The following ENAH variants were observed in gnomAD, a reference collection of about 807,000 sequenced individuals.
ENAH encodes the protein protein enabled homolog.
Under a neutral mutation model 78.7 loss-of-function variants are expected in ENAH, and 23 were observed. That is an observed-to-expected ratio of 0.29 (90% CI 0.21 to 0.41). The LOEUF (loss-of-function observed/expected upper bound fraction) is 0.41. Among genes scored for constraint, ENAH ranks in the 10% least tolerant of loss-of-function variants. ENAH has a pLI of 1.00. For synonymous variants in ENAH, 226 were observed against 241.0 expected (o/e 0.94, Z 0.58); for missense variants, 544 against 691.0 (o/e 0.79, Z 2.39).
At chr1:225,648,554 T>G (rs1662389902) in intron 1 of ENAH, among the ~76,000 whole-genome samples, 1 of 152,196 alleles carries the variant, frequency 6.6e-6, no homozygotes, top group Non-Finnish European at 1.5e-5. Context: ...TTTATTCACT[T>G]AGTAAATTCC....
At chr1:225,501,128 A>C (rs776533773) in intron 11 of ENAH, 58 bp from the exon 12 acceptor site, 2 of 1,330,426 alleles carry the variant, frequency 1.5e-6, no homozygotes, top group Non-Finnish European at 2.1e-6. Flanking sequence ...TAATGAGTTC[A>C]TAAATAATTG....
At chr1:225,623,566 C>A (rs1269448143) in intron 1 of ENAH, among the ~76,000 whole-genome samples, 1 of 148,674 alleles carries the variant, frequency 6.7e-6, no homozygotes, top group Non-Finnish European at 1.5e-5. Context: ...TAGTACCCGA[C>A]AAGTAGTGTT....
intron 1 of ENAH, among the ~76,000 whole-genome samples, chr1:225,645,156 C>T (rs1049077822): frequency 1.3e-5 from 2 of 152,170 alleles, no homozygotes; most frequent in East Asian, 3.9e-4. Flanking sequence ...TTAAATAGCA[C>T]GAAGATGTCA....
At chr1:225,539,621 C>T (rs1230486017) in intron 3 of ENAH, among the ~76,000 whole-genome samples, 1 of 152,164 alleles carries the variant, frequency 6.6e-6, no homozygotes, top group African/African-American at 2.4e-5. Context: ...CAATTGCTGC[C>T]CACTGCTCTT....
At chr1:225,639,705 AACACACACACACACACACACAC>A (rs374646635) in intron 1 of ENAH, among the ~76,000 whole-genome samples, 1 of 138,550 alleles carries the variant, frequency 7.2e-6, no homozygotes, top group South Asian at 2.3e-4. Context: ...GGCGGGATTA[AACACACACACACACACACACAC>A]ACACACACAC....
chr1:225,632,497 C>CAAAA (rs55973162), intron 1 of ENAH, among the ~76,000 whole-genome samples: 2 of 102,476 alleles, frequency 2.0e-5, no homozygotes, highest in African/African-American at 4.2e-5. Context: ...GACTCCGTCT[C>CAAAA]AAAAAAAAAA....
At position 225,495,212 on chromosome 1, in the gene ENAH, T is replaced by A. The variant is rs1365423829; in HGVS notation, c.*2563A>T. 2.0e-5 allele frequency: 3 copies of A among 152,542 alleles called. No homozygotes were observed. In the South Asian group the frequency reaches 6.2e-4, roughly 32 times the overall value. The allele number at this position is 152,542 out of a possible 1,614,324, so 9.4% of individuals were successfully genotyped here. On this transcript the variant is annotated 3_prime_UTR_variant, in exon 14 of 14. Transcript: ENST00000366843. ...TCATTAGAAAGGATCCCCTAAACTG[T>A]ACTCAGCTTAAGACATCCAACGTAC...
intron 1 of ENAH, among the ~76,000 whole-genome samples, chr1:225,628,447 T>C (rs1393070086): frequency 6.6e-6 from 1 of 152,142 alleles, no homozygotes; most frequent in Non-Finnish European, 1.5e-5. Flanking sequence ...TAAATAGCCA[T>C]TTTAAAGGAA....
chr1:225,648,448 T>C (rs1315178113), intron 1 of ENAH, among the ~76,000 whole-genome samples: 1 of 152,242 alleles, frequency 6.6e-6, no homozygotes, highest in Non-Finnish European at 1.5e-5. Context: ...CATAGTTATT[T>C]TGCTTAATCC....
At chr1:225,497,955 C>T (rs1283333912) in intron 13 of ENAH, 143 bp from the exon 14 acceptor site, 5 of 633,758 alleles carry the variant, frequency 7.9e-6, no homozygotes, top group Non-Finnish European at 1.1e-5. Context: ...TTGCACACAT[C>T]TTTAATATTA....
At chr1:225,610,179 T>C (rs1183167937) in intron 1 of ENAH, among the ~76,000 whole-genome samples, 2 of 151,866 alleles carry the variant, frequency 1.3e-5, no homozygotes, top group African/African-American at 4.8e-5. Flanking sequence ...AAAACTAGCA[T>C]TGCCTAAAAA....
intron 4 of ENAH, among the ~76,000 whole-genome samples, chr1:225,530,314 A>G (rs572408551): frequency 2.6e-5 from 4 of 152,348 alleles, no homozygotes; most frequent in African/African-American, 9.6e-5. Context: ...ACAATATTTT[A>G]AACATACCTT....
chr1:225,500,878 A>C (rs528995059), intron 12 of ENAH, 114 bp downstream of exon 12: 2 of 963,208 alleles, frequency 2.1e-6, no homozygotes, highest in South Asian at 3.3e-5. Context: ...TTGTATAACA[A>C]TAGCTCTATC....
At chr1:225,517,935 G>C in intron 5 of ENAH, 1 of 1,549,844 alleles carries the variant, frequency 6.5e-7, no homozygotes, top group Non-Finnish European at 8.7e-7. Context: ...AAGGAGGCTG[G>C]CAACTGGAAT....
intron 1 of ENAH, among the ~76,000 whole-genome samples, chr1:225,625,991 T>C (rs1391399380): frequency 1.3e-5 from 2 of 152,208 alleles, no homozygotes; most frequent in African/African-American, 4.8e-5. Context: ...AAGATGCAAG[T>C]TGGACTTTAC....
intron 2 of ENAH, among the ~76,000 whole-genome samples, chr1:225,561,790 A>C (rs2151473015): frequency 6.6e-6 from 1 of 152,222 alleles, no homozygotes; most frequent in South Asian, 2.1e-4. Flanking sequence ...GTGACGTTCC[A>C]TCTCACACAT....
intron 1 of ENAH, among the ~76,000 whole-genome samples, chr1:225,619,271 G>A (rs972821119): frequency 1.3e-5 from 2 of 152,098 alleles, no homozygotes; most frequent in Admixed American, 1.3e-4. Flanking sequence ...TGCCAATCAC[G>A]GTGGGTCACG....
chr1:225,629,076 G>A (rs1354990232), intron 1 of ENAH, among the ~76,000 whole-genome samples: 2 of 151,604 alleles, frequency 1.3e-5, no homozygotes, highest in Non-Finnish European at 1.5e-5. Context: ...TCAAGAGTTC[G>A]GGACCAGCCT....
chr1:225,548,266 C>G (rs1263894874), intron 3 of ENAH, among the ~76,000 whole-genome samples: 1 of 148,450 alleles, frequency 6.7e-6, no homozygotes, highest in Middle Eastern at 3.5e-3. Context: ...TAATACTATG[C>G]CTTTGCCTTG....
Sources: gnomAD v4.1 joint callset for allele counts (sites outside exome capture counted in the v4.1 genomes callset) on GRCh38, gnomAD v4.1.1 for gene constraint, MANE v1.5 for transcripts, NCBI Gene and HGNC (gene_info 2026-07-23, HGNC 2026-07-21) for gene names.